Variants in SLC7A8 observed in about 807,000 individuals in gnomAD.
SLC7A8 encodes solute carrier family 7 member 8, also known as large neutral amino acids transporter small subunit 2.
SLC7A8 carries 30 observed loss-of-function variants against 51.2 expected under a neutral mutation model. The ratio of observed to expected loss-of-function variants is 0.59; its 90% CI spans 0.44 to 0.80. The LOEUF is 0.80. SLC7A8 is among the 30% of genes least tolerant of loss of function. The pLI is 0.00. For missense variants in SLC7A8, 612 were observed against 674.4 expected (o/e 0.91, Z 1.03); for synonymous variants, 257 against 275.8 (o/e 0.93, Z 0.67).
chr14:23,166,295 C>A (rs768169616), intron 2 of SLC7A8, 41 bp downstream of exon 2: 2 of 1,597,218 alleles, frequency 1.3e-6, no homozygotes, highest in Non-Finnish European at 1.7e-6. Context: ...TGTCTTCCTC[C>A]TTTTCCCCTA....
chr14:23,162,917 C>T (rs1458670079), intron 3 of SLC7A8, among the ~76,000 whole-genome samples: 1 of 152,036 alleles, frequency 6.6e-6, no homozygotes, highest in Non-Finnish European at 1.5e-5. Context: ...TAAGGGTGGC[C>T]TCTTGTCTGA....
chr14:23,142,221 C>T (rs917156596), intron 4 of SLC7A8, among the ~76,000 whole-genome samples: 5 of 152,166 alleles, frequency 3.3e-5, no homozygotes, highest in African/African-American at 9.7e-5. Flanking sequence ...TGACTTTCTC[C>T]GTGAGGCAGT....
chr14:23,159,039 C>T (rs1213683423), intron 3 of SLC7A8, among the ~76,000 whole-genome samples: 2 of 152,168 alleles, frequency 1.3e-5, no homozygotes, highest in Non-Finnish European at 2.9e-5. Flanking sequence ...ACTGTCTTCC[C>T]AACTTTGAAG....
chr14:23,154,545 T>TAA, intron 3 of SLC7A8: 2 of 931,842 alleles, frequency 2.1e-6, no homozygotes, highest in Non-Finnish European at 2.6e-6. Context: ...GAAAAGCCGC[T>TAA]TCGGCTTGGC....
At chr14:23,175,362 C>A (rs767384428) in intron 1 of SLC7A8, among the ~76,000 whole-genome samples, 18 of 152,132 alleles carry the variant, frequency 1.2e-4, no homozygotes, top group Non-Finnish European at 2.2e-4. Context: ...GAATCTGCCA[C>A]CACATCTGGC....
At position 23,183,593 on chromosome 14, in the gene SLC7A8, C is replaced by A. The variant is rs1877288691; in HGVS notation, c.-679G>T. The A allele has an allele frequency of 6.6e-6, 1 of 152,334 alleles. No individual in the cohort carries two copies. The highest frequency in any genetic ancestry group is 2.4e-5 in the African/African-American group (1 of 41,410). The allele number at this position is 152,334 out of a possible 1,614,324, so 9.4% of individuals were successfully genotyped here. A position where few individuals can be genotyped will look rare whatever the true frequency, so the allele number is the denominator to read the frequency against. On this transcript the variant is annotated 5_prime_UTR_variant, in exon 1 of 11. Coordinates refer to ENST00000316902, the MANE Select transcript of SLC7A8 (RefSeq NM_012244.4). ...CTTCGTGCCCTTGTTTTCCTCTTTT[C>A]GATCCCCGTTCTACTGCACAGCCGG... is the stretch of plus-strand genomic sequence containing the variant.
chr14:23,169,846 T>C (rs753728967), intron 1 of SLC7A8, among the ~76,000 whole-genome samples: 2 of 152,194 alleles, frequency 1.3e-5, no homozygotes, highest in Non-Finnish European at 2.9e-5. Flanking sequence ...GCCTAAATCA[T>C]AGGGTGAGTT....
chr14:23,181,880 C>A (rs935015142), intron 1 of SLC7A8, among the ~76,000 whole-genome samples: 1 of 152,312 alleles, frequency 6.6e-6, no homozygotes, highest in Middle Eastern at 3.4e-3. Flanking sequence ...TGTCTAGAGA[C>A]GAAGCTGTAT....
At chr14:23,137,880 A>C (rs367778983) in intron 7 of SLC7A8, 41 bp downstream of exon 7, 16 of 1,607,306 alleles carry the variant, frequency 1.0e-5, no homozygotes, top group Non-Finnish European at 1.4e-5. Flanking sequence ...AGTGCACAGC[A>C]GAGTGGCCCC....
At chr14:23,181,686 G>C (rs1354691124) in intron 1 of SLC7A8, among the ~76,000 whole-genome samples, 1 of 152,254 alleles carries the variant, frequency 6.6e-6, no homozygotes, top group Non-Finnish European at 1.5e-5. Flanking sequence ...CTCTCATAAA[G>C]GAACTCTGGA....
intron 9 of SLC7A8, chr14:23,129,405 A>C: frequency 2.1e-6 from 1 of 467,736 alleles, no homozygotes; most frequent in Non-Finnish European, 3.8e-6. Context: ...AAACAAAGGA[A>C]TGTCATGATG....
At chr14:23,138,109 T>C in intron 6 of SLC7A8, 85 bp from the exon 7 acceptor site, 2 of 1,493,896 alleles carry the variant, frequency 1.3e-6, no homozygotes, top group Non-Finnish European at 1.8e-6. Context: ...GGAAACCGTT[T>C]CTCCTATCTC....
chr14:23,153,647 G>T (rs1434458283), intron 3 of SLC7A8, among the ~76,000 whole-genome samples: 1 of 152,112 alleles, frequency 6.6e-6, no homozygotes, highest in African/African-American at 2.4e-5. Flanking sequence ...CAGGGCTTTA[G>T]AAAGTCATTT....
At chr14:23,153,151 C>T (rs148343558) in intron 3 of SLC7A8, among the ~76,000 whole-genome samples, 37 of 152,206 alleles carry the variant, frequency 2.4e-4, no homozygotes, top group African/African-American at 6.7e-4. Context: ...CTCATTCTGT[C>T]GCCCAGGCTG....
chr14:23,133,188 A>C (rs1420254494), intron 7 of SLC7A8, among the ~76,000 whole-genome samples: 1 of 152,236 alleles, frequency 6.6e-6, no homozygotes, highest in Non-Finnish European at 1.5e-5. Flanking sequence ...CTGCAATCCC[A>C]GCACTTTGGC....
intron 1 of SLC7A8, among the ~76,000 whole-genome samples, chr14:23,175,585 G>A (rs1311461452): frequency 7.2e-5 from 11 of 152,070 alleles, no homozygotes; most frequent in Admixed American, 5.2e-4. Flanking sequence ...CTTACCTGCC[G>A]GGTTCCTACT....
At chr14:23,147,909 C>G (rs1439442124) in intron 3 of SLC7A8, among the ~76,000 whole-genome samples, 1 of 152,182 alleles carries the variant, frequency 6.6e-6, no homozygotes, top group Non-Finnish European at 1.5e-5. Context: ...GAGATGGGCT[C>G]AATGCTTTCT....
At chr14:23,153,208 G>A (rs569878539) in intron 3 of SLC7A8, among the ~76,000 whole-genome samples, 19 of 152,282 alleles carry the variant, frequency 1.2e-4, no homozygotes, top group African/African-American at 4.3e-4. Flanking sequence ...CCAGTCCTGG[G>A]CTTGAGCGAT....
chr14:23,154,519 C>A (rs1206635973), intron 3 of SLC7A8: 1 of 974,516 alleles, frequency 1.0e-6, no homozygotes, highest in Middle Eastern at 5.3e-4. Context: ...GAACTGAGCA[C>A]GTGTTTCTAA....
Sources: gnomAD v4.1 joint callset for allele counts (sites outside exome capture counted in the v4.1 genomes callset) on GRCh38, gnomAD v4.1.1 for gene constraint, MANE v1.5 for transcripts, NCBI Gene and HGNC (gene_info 2026-07-23, HGNC 2026-07-21) for gene names.